The following FHIT variants were observed in gnomAD, a reference collection of about 807,000 sequenced individuals.
The protein encoded by FHIT is bis(5'-adenosyl)-triphosphatase.
In FHIT, 19 loss-of-function variants were observed where a neutral mutation model predicts 17.9. The observed-to-expected ratio is 1.06, with a 90% CI of 0.74 to 1.56. The LOEUF is 1.56. FHIT is among the 40% of genes most tolerant of loss of function. FHIT has a pLI of 0.00. For missense variants in FHIT, 248 were observed against 189.2 expected, an observed-to-expected ratio of 1.31 and a Z score of -1.82; for synonymous variants, 81 against 69.7, an observed-to-expected ratio of 1.16 and a Z score of -0.81.
chr3:60,233,751 G>C lies in FHIT; in HGVS notation c.104-219599C>G, dbSNP rs889902418. ...CCGGTGGCAGGTAATTGAATCATGG[G>C]GGCAGGTCTTTCCCATGCTGTTCTT... On this transcript the variant is annotated intron_variant, in intron 5 of 9. Coordinates refer to ENST00000492590, the MANE Select transcript of FHIT (RefSeq NM_002012.4). Among the ~76,000 whole-genome samples the C allele has an allele frequency of 2.0e-5, 3 of 152,146 alleles. No individual in the cohort carries two copies. The East Asian group carries it at 5.8e-4, about 29-fold the overall frequency.
chr3:60,557,838 C>T (rs1490261588), intron 4 of FHIT, among the ~76,000 whole-genome samples: 4 of 151,808 alleles, frequency 2.6e-5, no homozygotes, highest in African/African-American at 9.7e-5. Context: ...GTGTGTTCTC[C>T]CAGTGCAGAA....
chr3:60,349,775 G>A (rs1576516967), intron 5 of FHIT, among the ~76,000 whole-genome samples: 1 of 152,226 alleles, frequency 6.6e-6, no homozygotes, highest in East Asian at 1.9e-4. Flanking sequence ...TAAAAATGTT[G>A]GAAAGCCAGT....
At chr3:61,221,863 A>C (rs1269188445) in intron 1 of FHIT, among the ~76,000 whole-genome samples, 1 of 152,216 alleles carries the variant, frequency 6.6e-6, no homozygotes, top group African/African-American at 2.4e-5. Context: ...GTGGGGTCCA[A>C]CGTCCAACCA....
Position 59,972,287 on chromosome 3 carries a change from T to C in FHIT, c.279+39084A>G, listed in dbSNP as rs149309096. On this transcript the variant is annotated intron_variant, in intron 7 of 9. Coordinates refer to ENST00000492590, the MANE Select transcript of FHIT (RefSeq NM_002012.4). The stretch of plus-strand genomic sequence containing the variant: ...GCCCTGAATGGGGCCTTGTGAGACA[T>C]AGGGCCACTTAACCTTGGACAGTAA... 8.6e-4 allele frequency among the ~76,000 whole-genome samples: 131 copies of C among 152,174 alleles called. 2 individuals are homozygous for C. Among genetic ancestry groups the C allele is most frequent in the African/African-American group, 2.9e-3 (121 of 41,558 alleles).
At chr3:59,995,208 A>C (rs1218402822) in intron 7 of FHIT, among the ~76,000 whole-genome samples, 1 of 152,118 alleles carries the variant, frequency 6.6e-6, no homozygotes, top group African/African-American at 2.4e-5. Context: ...TTTAGAAAAA[A>C]AAAACAACAG....
chr3:60,639,481 C>T (rs1180291552), intron 4 of FHIT, among the ~76,000 whole-genome samples: 2 of 152,040 alleles, frequency 1.3e-5, no homozygotes, highest in Admixed American at 1.3e-4. Context: ...TTAGAAGACA[C>T]TAAGGAGAAA....
chr3:60,985,629 T>C (rs1271636177), intron 3 of FHIT, among the ~76,000 whole-genome samples: 1 of 152,212 alleles, frequency 6.6e-6, no homozygotes, highest in East Asian at 1.9e-4. Context: ...GTGAGCATAA[T>C]AATTACCTGG....
At chr3:60,576,076 C>A (rs1232772691) in intron 4 of FHIT, among the ~76,000 whole-genome samples, 1 of 152,068 alleles carries the variant, frequency 6.6e-6, no homozygotes, top group East Asian at 1.9e-4. Context: ...ATTGAGCAAA[C>A]ACCAGGGAGG....
At chr3:61,064,704 TTTAAA>T (rs1348579345) in intron 2 of FHIT, among the ~76,000 whole-genome samples, 1 of 152,078 alleles carries the variant, frequency 6.6e-6, no homozygotes, top group Middle Eastern at 3.2e-3. Context: ...GCTTCAAAAA[TTTAAA>T]TTATGCTGTT....
intron 3 of FHIT, among the ~76,000 whole-genome samples, chr3:60,952,043 G>A (rs1553777344): frequency 6.6e-6 from 1 of 152,038 alleles, no homozygotes; most frequent in African/African-American, 2.4e-5. Flanking sequence ...GCGGGCACCT[G>A]TAATCCCAGC....
chr3:60,456,834 A>G (rs1394092333), intron 5 of FHIT, among the ~76,000 whole-genome samples: 1 of 152,050 alleles, frequency 6.6e-6, no homozygotes, highest in Admixed American at 6.6e-5. Context: ...GCACCCTTAC[A>G]TTCAAAGAGA....
chr3:60,209,385 G>C (rs1703346900), intron 5 of FHIT, among the ~76,000 whole-genome samples: 1 of 152,098 alleles, frequency 6.6e-6, no homozygotes, highest in Non-Finnish European at 1.5e-5. Context: ...AGAACCCTGT[G>C]ACCTTAAGAA....
intron 5 of FHIT, among the ~76,000 whole-genome samples, chr3:60,487,555 C>G (rs764151848): frequency 3.3e-5 from 5 of 152,136 alleles, no homozygotes; most frequent in Non-Finnish European, 7.3e-5. Flanking sequence ...TTTGGTGCAG[C>G]AATTAATAGG....
At chr3:59,995,842 A>G (rs1699485209) in intron 7 of FHIT, among the ~76,000 whole-genome samples, 2 of 150,764 alleles carry the variant, frequency 1.3e-5, no homozygotes, top group South Asian at 4.3e-4. Context: ...TCTGCTCAAC[A>G]TTAGTAAGTC....
intron 5 of FHIT, among the ~76,000 whole-genome samples, chr3:60,502,462 A>G (rs940865602): frequency 4.6e-5 from 7 of 152,190 alleles, no homozygotes; most frequent in Non-Finnish European, 1.0e-4. Flanking sequence ...TTTGACATCT[A>G]ATCAAACACT....
chr3:60,080,987 T>G (rs555805973), intron 5 of FHIT: 1 of 151,926 alleles, frequency 6.6e-6, no homozygotes, highest in Non-Finnish European at 1.5e-5. Flanking sequence ...GACATGGGAG[T>G]GCAGGCATCT....
intron 5 of FHIT, among the ~76,000 whole-genome samples, chr3:60,159,054 G>A (rs977226526): frequency 6.6e-6 from 1 of 151,918 alleles, no homozygotes; most frequent in African/African-American, 2.4e-5. Flanking sequence ...TACCCCCCAA[G>A]GAGCCTCTTT....
At chr3:60,638,943 A>G (rs1465755209) in intron 4 of FHIT, among the ~76,000 whole-genome samples, 2 of 150,982 alleles carry the variant, frequency 1.3e-5, no homozygotes, top group Non-Finnish European at 2.9e-5. Flanking sequence ...CTGGCTATGA[A>G]TGAATAACTT....
At chr3:60,530,758 A>G (rs1454781854) in intron 5 of FHIT, among the ~76,000 whole-genome samples, 5 of 152,212 alleles carry the variant, frequency 3.3e-5, no homozygotes, top group African/African-American at 1.2e-4. Context: ...TTGTCTTACA[A>G]TGGGAGTTGG....
Sources: allele counts gnomAD v4.1 joint callset (sites outside exome capture counted in the v4.1 genomes callset), GRCh38; gene constraint gnomAD v4.1.1; transcripts MANE v1.5; gene names NCBI Gene and HGNC (gene_info 2026-07-23, HGNC 2026-07-21).